Variants in FGD5 observed in about 807,000 individuals in gnomAD.
FGD5 encodes the protein FYVE, RhoGEF and PH domain containing 5, also known as FYVE, RhoGEF and PH domain-containing protein 5.
In FGD5, 28 loss-of-function variants were observed where a neutral mutation model predicts 133.4. That is an observed-to-expected ratio of 0.21 (90% CI 0.16 to 0.29). The LOEUF (loss-of-function observed/expected upper bound fraction) is 0.29. Ranked by LOEUF, FGD5 falls within the 10% of genes least tolerant of loss-of-function variation. The pLI, the probability that FGD5 is intolerant of heterozygous loss-of-function variation, is 1.00. For missense variants in FGD5, 1,858 were observed against 1,895.2 expected, an observed-to-expected ratio of 0.98 and a Z score of 0.36; for synonymous variants, 810 against 776.5, an observed-to-expected ratio of 1.04 and a Z score of -0.72.
intron 1 of FGD5, among the ~76,000 whole-genome samples, chr3:14,825,555 C>T (rs1327778850): frequency 2.0e-5 from 3 of 152,006 alleles, no homozygotes; most frequent in African/African-American, 7.3e-5. Flanking sequence ...GAGGTTGAGG[C>T]GGGAGGATCA....
upstream of FGD5, chr3:14,810,837 G>T (rs985104607): frequency 1.4e-4 from 134 of 984,864 alleles, no homozygotes; most frequent in Non-Finnish European, 1.6e-4. Context: ...GGCGGCCCGG[G>T]CCCCGCGCGC....
At chr3:14,838,196 A>C (rs913377696) in intron 1 of FGD5, among the ~76,000 whole-genome samples, 4 of 151,180 alleles carry the variant, frequency 2.6e-5, no homozygotes, top group Non-Finnish European at 4.4e-5. Context: ...TGCAGCCTGC[A>C]CTCCTTCCCC....
chr3:14,905,131 T>G (rs2038314985), intron 9 of FGD5, among the ~76,000 whole-genome samples: 1 of 152,222 alleles, frequency 6.6e-6, no homozygotes, highest in Admixed American at 6.5e-5. Flanking sequence ...TCAATTTACC[T>G]TAATTTGTGG....
chr3:14,846,451 G>A (rs2125090131), intron 1 of FGD5, among the ~76,000 whole-genome samples: 1 of 152,340 alleles, frequency 6.6e-6, no homozygotes, highest in East Asian at 1.9e-4. Flanking sequence ...AGCTAGCACT[G>A]CAGCCAAACT....
Position 14,922,379 on chromosome 3 carries a change from T to C in FGD5, c.3670-32T>C. The stretch of plus-strand genomic sequence containing the variant: ...CATCTGGCTGGTCTCCTGGCCACAT[T>C]CCACATTACTCAGCCAATTCTGTTG... On this transcript the variant is annotated intron_variant, in intron 14 of 19. Coordinates refer to ENST00000285046, the MANE Select transcript of FGD5 (RefSeq NM_152536.4). This position sits in a 1 kb window ranked among gnomAD's most constrained non-coding sequence, Gnocchi z 4.1. The C allele has an allele frequency of 6.4e-7, 1 of 1,556,310 alleles. No individual in the cohort carries two copies. Among genetic ancestry groups the C allele is most frequent in the Non-Finnish European group, 8.7e-7 (1 of 1,149,636 alleles).
chr3:14,914,434 C>T (rs1012100241), intron 11 of FGD5, among the ~76,000 whole-genome samples: 1 of 152,176 alleles, frequency 6.6e-6, no homozygotes, highest in African/African-American at 2.4e-5. Flanking sequence ...GGCTGTAAAG[C>T]ATATACTTTG....
Position 14,900,060 on chromosome 3 carries a change from C to A in FGD5, c.3155-343C>A, listed in dbSNP as rs73141377. ...GGAGAGTATGAATGCACTACAGGTT[C>A]CACACAACACACTCGGCTGTGCTGA... On this transcript the variant is annotated intron_variant, in intron 7 of 19. Transcript: ENST00000285046. Among the ~76,000 whole-genome samples, 309 of 152,282 alleles carry A rather than the reference C, an allele frequency of 2.0e-3. 3 individuals are homozygous for A. Among genetic ancestry groups the A allele is most frequent in the African/African-American group, 6.9e-3 (285 of 41,554 alleles).
At chr3:14,910,741 C>A in intron 10 of FGD5, 120 bp from the exon 11 acceptor site, 2 of 778,462 alleles carry the variant, frequency 2.6e-6, no homozygotes, top group Non-Finnish European at 4.1e-6. Flanking sequence ...CACTCAGGGG[C>A]CTCCCCTGCA....
chr3:14,884,344 C>T (rs1330354177), intron 4 of FGD5, among the ~76,000 whole-genome samples: 1 of 152,176 alleles, frequency 6.6e-6, no homozygotes, highest in Non-Finnish European at 1.5e-5. Flanking sequence ...CATCCTGCCC[C>T]AGGATAAGTT....
chr3:14,829,700 G>A (rs1242236583), intron 1 of FGD5, among the ~76,000 whole-genome samples: 3 of 152,182 alleles, frequency 2.0e-5, no homozygotes, highest in South Asian at 2.1e-4. Context: ...GAGACAAGCC[G>A]AGTAATGAAG....
rs1199846531 is a variant in FGD5, at chr3:14,880,556, C to T, written c.2659-16C>T. On this transcript the variant is annotated splice_polypyrimidine_tract_variant and intron_variant, in intron 2 of 19. Transcript: ENST00000285046. ...CTGATGCCTGTCCCACCTGATTGCTCTCTTTCCTCCCACAGGTGGAAGGAC... is the reference window on the plus strand; with the variant it reads ...CTGATGCCTGTCCCACCTGATTGCTTTCTTTCCTCCCACAGGTGGAAGGAC... 6.2e-7 allele frequency: 1 copy of T among 1,612,748 alleles called. No individual in the cohort carries two copies. The highest frequency in any genetic ancestry group is 1.7e-5 in the Admixed American group (1 of 59,970).
chr3:14,855,931 T>C (rs959335524), intron 1 of FGD5, among the ~76,000 whole-genome samples: 1 of 152,190 alleles, frequency 6.6e-6, no homozygotes, highest in African/African-American at 2.4e-5. Context: ...TTTTGAGGTC[T>C]TAGTCATAAA....
chr3:14,932,520 T>A, intron 18 of FGD5, 57 bp from the exon 19 acceptor site: 5 of 1,566,990 alleles, frequency 3.2e-6, no homozygotes, highest in Non-Finnish European at 4.3e-6. Flanking sequence ...GAGATAACAG[T>A]AAATGACTAT....
chr3:14,917,396 C>G lies in FGD5; in HGVS notation c.3489+64C>G, dbSNP rs2038580259. 6.9e-7 allele frequency: 1 copy of G among 1,458,804 alleles called. No individual in the cohort carries two copies. Among genetic ancestry groups the G allele is most frequent in the Non-Finnish European group, 9.4e-7 (1 of 1,059,234 alleles). 90.4% of individuals were successfully genotyped at this position (1,458,804 alleles called of 1,614,324 possible). ...AGGGAGACCCCAGGGGAGAAGGGGA[C>G]AGCATCCTGCTCCCAGGAGCACCCA... On this transcript the variant is annotated intron_variant, in intron 12 of 19. Transcript: ENST00000285046. The surrounding 1 kb of genome is among the most constrained non-coding windows in gnomAD (Gnocchi z 4.1).
At position 14,820,122 on chromosome 3, in the gene FGD5, C is replaced by T. The variant is rs1161026541; in HGVS notation, c.1051C>T (p.Pro351Ser). The T allele has an allele frequency of 6.2e-7, 1 of 1,613,922 alleles. No homozygotes were observed. The highest frequency in any genetic ancestry group is 1.3e-5 in the African/African-American group (1 of 74,932). Reference sequence around the variant, plus strand: ...CACAGGAAGCCCCTATGAGTTCTTCCCAACTGAGAGCACCTCTTTTTGCAG... The same window carrying T: ...CACAGGAAGCCCCTATGAGTTCTTCTCAACTGAGAGCACCTCTTTTTGCAG... Reference protein sequence around the residue: ...SLTGSPYEFFPTESTSFCSES... With the variant: ...SLTGSPYEFFSTESTSFCSES... Residue 351 changes from proline to serine, a missense_variant, in exon 1 of 20, where the codon CCA becomes TCA. By Grantham distance (74) the Pro-to-Ser change is moderately conservative (BLOSUM62 -1). Transcript: ENST00000285046.
chr3:14,827,352 G>A (rs1338462639), intron 1 of FGD5, among the ~76,000 whole-genome samples: 22 of 147,838 alleles, frequency 1.5e-4, no homozygotes, highest in Non-Finnish European at 2.2e-4. Context: ...GCAGTGGCGC[G>A]ATCTCGGCTC....
chr3:14,851,271 C>T (rs1042107670), intron 1 of FGD5, among the ~76,000 whole-genome samples: 2 of 152,286 alleles, frequency 1.3e-5, no homozygotes, highest in East Asian at 1.9e-4. Context: ...TACATAGACC[C>T]TCATAGACCT....
chr3:14,821,488 A>G lies in FGD5; in HGVS notation c.2417A>G (p.Asp806Gly), dbSNP rs775716220. ...RAGAFTKLFE[D>G]QSRALSTANE... Reference sequence around the variant, plus strand: ...GGCGCGTTCACGAAGCTGTTTGAAGATCAGAGCAGAGCCCTGTCCACAGCA... The same window carrying G: ...GGCGCGTTCACGAAGCTGTTTGAAGGTCAGAGCAGAGCCCTGTCCACAGCA... Residue 806 changes from aspartate (D) to glycine (G), a missense_variant, in exon 1 of 20, where the codon GAT becomes GGT. Physicochemically the swap from Asp to Gly is moderately conservative, Grantham distance 94 (BLOSUM62 -1). Transcript: ENST00000285046. The G allele has an allele frequency of 6.2e-7, 1 of 1,614,006 alleles. No homozygotes were observed. Among genetic ancestry groups the G allele is most frequent in the Non-Finnish European group, 8.5e-7 (1 of 1,179,902 alleles).
intron 1 of FGD5, among the ~76,000 whole-genome samples, chr3:14,835,213 A>G (rs1332639023): frequency 6.6e-6 from 1 of 152,224 alleles, no homozygotes; most frequent in Admixed American, 6.5e-5. Flanking sequence ...AAGCTGGACT[A>G]CAGGCAGGGC....
Sources: allele counts gnomAD v4.1 joint callset (sites outside exome capture counted in the v4.1 genomes callset), GRCh38; gene constraint gnomAD v4.1.1; non-coding constraint Gnocchi (gnomAD v3.1); transcripts MANE v1.5; gene names NCBI Gene and HGNC (gene_info 2026-07-23, HGNC 2026-07-21).